Variants in GAREM1 observed in about 807,000 individuals in gnomAD.
GAREM1 encodes GRB2-associated and regulator of MAPK protein 1.
GAREM1 carries 26 observed loss-of-function variants against 71.3 expected under a neutral mutation model. The observed-to-expected ratio is 0.36, with a 90% CI of 0.27 to 0.51. GAREM1 has a LOEUF of 0.51. Ranked by LOEUF, GAREM1 falls within the 20% of genes least tolerant of loss-of-function variation. The probability of loss-of-function intolerance (pLI) is 0.95; values close to 1 mark genes in which losing one functional copy is unlikely to be tolerated. For synonymous variants in GAREM1, 440 were observed against 433.2 expected, an observed-to-expected ratio of 1.02 and a Z score of -0.20; for missense variants, 1,026 against 1,103.1, an observed-to-expected ratio of 0.93 and a Z score of 0.99.
At chr18:32,340,982 TA>T (rs908959353) in intron 2 of GAREM1, among the ~76,000 whole-genome samples, 13 of 152,126 alleles carry the variant, frequency 8.5e-5, no homozygotes, top group South Asian at 8.3e-4. Context: ...TGTATTGGAT[TA>T]TTTTTTTTTT....
chr18:32,346,077 C>T (rs1403575390), intron 2 of GAREM1, among the ~76,000 whole-genome samples: 2 of 151,994 alleles, frequency 1.3e-5, no homozygotes, highest in Non-Finnish European at 2.9e-5. Flanking sequence ...TACTTTACAA[C>T]ATGTGTCTGA....
At chr18:32,449,336 C>T (rs1217112093) in intron 1 of GAREM1, among the ~76,000 whole-genome samples, 1 of 152,124 alleles carries the variant, frequency 6.6e-6, no homozygotes, top group Non-Finnish European at 1.5e-5. Context: ...AAGGTAAAAG[C>T]TATAGCTTCC....
intron 2 of GAREM1, among the ~76,000 whole-genome samples, chr18:32,366,481 G>T (rs1403861797): frequency 6.6e-6 from 1 of 152,152 alleles, no homozygotes; most frequent in Non-Finnish European, 1.5e-5. Context: ...AGACTTTAAA[G>T]TATACTAAAT....
At chr18:32,333,900 C>A (rs1053067000) in intron 2 of GAREM1, among the ~76,000 whole-genome samples, 1 of 152,138 alleles carries the variant, frequency 6.6e-6, no homozygotes. Context: ...CTACACAGGC[C>A]GGTGTGCGGT....
At chr18:32,393,169 A>C (rs905709294) in intron 1 of GAREM1, 134 bp from the exon 2 acceptor site, 10 of 741,286 alleles carry the variant, frequency 1.3e-5, no homozygotes, top group Middle Eastern at 4.2e-4. Context: ...GATAAAGTTT[A>C]CCTCTGAATT....
In GAREM1 at chr18:32,268,072, T is replaced by C; in HGVS notation, c.2430A>G (p.Gly810=). 1.9e-6 allele frequency: 3 copies of C among 1,613,872 alleles called. No individual in the cohort carries two copies. The highest frequency in any genetic ancestry group is 2.5e-6 in the Non-Finnish European group (3 of 1,179,940). The change falls in exon 6 of 6, where the codon GGA becomes GGG. Residue 810 remains glycine (G), a synonymous_variant. Transcript: ENST00000269209. ...ACTTGGACACTTCCTCTATAGAGAG[T>C]CCTGATAGGTCAGCAGGTGGCTGCC... The part of the protein sequence containing the change: ...SPWQPPADLS[G]LSIEEVSKSL...
chr18:32,334,779 CT>C (rs1162722272), intron 2 of GAREM1, among the ~76,000 whole-genome samples: 3 of 152,212 alleles, frequency 2.0e-5, no homozygotes, highest in Non-Finnish European at 2.9e-5. Flanking sequence ...CGATAGATCA[CT>C]TCTCTGCCCT....
intron 1 of GAREM1, among the ~76,000 whole-genome samples, chr18:32,462,648 C>A (rs533951617): frequency 1.3e-5 from 2 of 152,218 alleles, no homozygotes; most frequent in South Asian, 2.1e-4. Flanking sequence ...GCTTTTGTTG[C>A]CTATGTATTT....
At chr18:32,382,191 T>G (rs2048103824) in intron 2 of GAREM1, among the ~76,000 whole-genome samples, 1 of 152,200 alleles carries the variant, frequency 6.6e-6, no homozygotes, top group African/African-American at 2.4e-5. Context: ...GAGATAGGAC[T>G]GTCCTCAAGG....
intron 1 of GAREM1, among the ~76,000 whole-genome samples, chr18:32,425,863 T>C (rs935161122): frequency 1.3e-5 from 2 of 152,214 alleles, no homozygotes; most frequent in African/African-American, 4.8e-5. Context: ...ATTTTTTGCA[T>C]ATTCAGACAG....
At chr18:32,441,813 T>C (rs2048740844) in intron 1 of GAREM1, among the ~76,000 whole-genome samples, 2 of 152,152 alleles carry the variant, frequency 1.3e-5, no homozygotes, top group African/African-American at 4.8e-5. Flanking sequence ...GGAGAAACAA[T>C]GTGCCAATAT....
intron 1 of GAREM1, among the ~76,000 whole-genome samples, chr18:32,434,081 A>G (rs889450449): frequency 2.6e-5 from 4 of 152,134 alleles, no homozygotes; most frequent in African/African-American, 9.7e-5. Flanking sequence ...GACACAGATC[A>G]ACACAACAGA....
intron 1 of GAREM1, among the ~76,000 whole-genome samples, chr18:32,448,545 C>G (rs1054770351): frequency 6.6e-6 from 1 of 152,200 alleles, no homozygotes; most frequent in Non-Finnish European, 1.5e-5. Flanking sequence ...CAGGTATGGG[C>G]TTTGTGACAG....
At chr18:32,369,841 T>C (rs562463016) in intron 2 of GAREM1, among the ~76,000 whole-genome samples, 1 of 152,244 alleles carries the variant, frequency 6.6e-6, no homozygotes, top group Non-Finnish European at 1.5e-5. Flanking sequence ...CCATATTATG[T>C]AGACAGTAAT....
At chr18:32,297,923 T>G (rs2047159471) in intron 3 of GAREM1, among the ~76,000 whole-genome samples, 1 of 152,216 alleles carries the variant, frequency 6.6e-6, no homozygotes, top group South Asian at 2.1e-4. Context: ...TTTTTCCTAA[T>G]TTATCTTTAT....
chr18:32,351,484 C>A (rs1010670966), intron 2 of GAREM1, among the ~76,000 whole-genome samples: 1 of 152,058 alleles, frequency 6.6e-6, no homozygotes, highest in African/African-American at 2.4e-5. Flanking sequence ...TTAAAGTGCA[C>A]ATTCAAGGGC....
intron 1 of GAREM1, among the ~76,000 whole-genome samples, chr18:32,419,700 C>G (rs2048502182): frequency 6.6e-6 from 1 of 152,124 alleles, no homozygotes; most frequent in Non-Finnish European, 1.5e-5. Context: ...TTTAAATCCC[C>G]CTTTGCCATA....
rs757157228 is a variant in GAREM1, at chr18:32,270,311, G to A, written c.1639C>T (p.Pro547Ser). The A allele has an allele frequency of 2.5e-6, 4 of 1,614,064 alleles. No individual in the cohort carries two copies. The highest frequency in any genetic ancestry group is 3.4e-6 in the Non-Finnish European group (4 of 1,179,980). Residue 547 changes from proline (P) to serine (S), a missense_variant, in exon 5 of 6, where the codon CCC becomes TCC. Coordinates refer to ENST00000269209, the MANE Select transcript of GAREM1 (RefSeq NM_001242409.2). Reference sequence around the variant, plus strand: ...TTGACTGTGCGAGGAGGGATGGAGGGACTGGTGGACAAAGGCTTTGCGCTT... The same window carrying A: ...TTGACTGTGCGAGGAGGGATGGAGGAACTGGTGGACAAAGGCTTTGCGCTT... ...PRSAKPLSTSPSIPPRTVKPA... is the reference protein window; with the variant it reads ...PRSAKPLSTSSSIPPRTVKPA...
At chr18:32,394,667 T>C (rs1313407604) in intron 1 of GAREM1, among the ~76,000 whole-genome samples, 3 of 152,138 alleles carry the variant, frequency 2.0e-5, no homozygotes, top group African/African-American at 7.2e-5. Flanking sequence ...GTGGTACTCA[T>C]GAGCCCTTTG....
Sources: allele counts gnomAD v4.1 joint callset (sites outside exome capture counted in the v4.1 genomes callset), GRCh38; gene constraint gnomAD v4.1.1; transcripts MANE v1.5; gene names NCBI Gene and HGNC (gene_info 2026-07-23, HGNC 2026-07-21).